MCTP2: variants seen among roughly 807,000 people sequenced by gnomAD.
MCTP2 encodes multiple C2 and transmembrane domain-containing protein 2.
MCTP2 carries 132 observed loss-of-function variants against 111.6 expected under a neutral mutation model. The observed-to-expected ratio is 1.18, with a 90% CI of 1.03 to 1.37. The LOEUF is 1.37. Among genes scored for constraint, MCTP2 ranks in the 40% most tolerant of loss-of-function variants. The probability of loss-of-function intolerance (pLI) is 0.00; values close to 1 mark genes in which losing one functional copy is unlikely to be tolerated. For synonymous variants in MCTP2, 395 were observed against 387.7 expected (o/e 1.02, Z -0.22); for missense variants, 1,183 against 1,067.9 (o/e 1.11, Z -1.50).
chr15:94,386,973 T>TA (rs910752143), intron 14 of MCTP2, among the ~76,000 whole-genome samples: 46 of 151,960 alleles, frequency 3.0e-4, no homozygotes, highest in African/African-American at 8.9e-4. Context: ...GTAGCCAACC[T>TA]AAAAAAAAGT....
chr15:94,421,708 T>G (rs2082637511), intron 17 of MCTP2, among the ~76,000 whole-genome samples: 1 of 152,202 alleles, frequency 6.6e-6, no homozygotes, highest in African/African-American at 2.4e-5. Flanking sequence ...TCTTCAACTT[T>G]TAAGAACCCT....
intron 1 of MCTP2, chr15:94,231,901 G>C (rs1400730048): frequency 6.6e-6 from 1 of 152,340 alleles, no homozygotes; most frequent in African/African-American, 2.4e-5. Flanking sequence ...ACTAGGGGAG[G>C]GCAGCCTGGC....
intron 17 of MCTP2, among the ~76,000 whole-genome samples, chr15:94,418,353 A>G (rs927824761): frequency 6.6e-6 from 1 of 152,028 alleles, no homozygotes; most frequent in African/African-American, 2.4e-5. Flanking sequence ...TCATCTACCT[A>G]CCTTTATGGA....
chr15:94,242,488 G>A (rs2071045908), intron 1 of MCTP2, among the ~76,000 whole-genome samples: 1 of 152,098 alleles, frequency 6.6e-6, no homozygotes, highest in African/African-American at 2.4e-5. Context: ...TCAGGCATCT[G>A]TGCACTGCTG....
At chr15:94,279,484 A>G (rs563426429) in intron 1 of MCTP2, among the ~76,000 whole-genome samples, 33 of 152,046 alleles carry the variant, frequency 2.2e-4, no homozygotes, top group African/African-American at 7.7e-4. Context: ...CTGAAAATTT[A>G]CTTGTTTATC....
chr15:94,328,423 C>T (rs1000348432), intron 4 of MCTP2, among the ~76,000 whole-genome samples: 13 of 152,116 alleles, frequency 8.5e-5, no homozygotes, highest in African/African-American at 1.4e-4. Context: ...CCACCGCGCC[C>T]GGCCTATCAA....
In MCTP2 at chr15:94,243,046, T is replaced by C. The variant is rs1365570446; in HGVS notation, c.-66+11382T>C. Among the ~76,000 whole-genome samples, 7 of 93,622 alleles carry C rather than the reference T, an allele frequency of 7.5e-5. 2 individuals carry two copies. Among genetic ancestry groups the C allele is most frequent in the Non-Finnish European group, 1.7e-4 (7 of 41,158 alleles). 61.4% of individuals were successfully genotyped at this position (93,622 alleles called of 152,430 possible). A position where few individuals can be genotyped will look rare whatever the true frequency, so the allele number is the denominator to read the frequency against. On this transcript the variant is annotated intron_variant, in intron 1 of 22. Transcript: ENST00000357742. ...GTGTATCTACACATACACGTGTATA[T>C]GTGTATCTACACATACACGTGTATA...
At chr15:94,359,713 G>C (rs1468199693) in intron 10 of MCTP2, among the ~76,000 whole-genome samples, 1 of 152,138 alleles carries the variant, frequency 6.6e-6, no homozygotes, top group Non-Finnish European at 1.5e-5. Context: ...AAATGCAGAG[G>C]CCCAAGGAAG....
At chr15:94,337,187 C>G (rs755239169) in intron 4 of MCTP2, among the ~76,000 whole-genome samples, 1 of 152,098 alleles carries the variant, frequency 6.6e-6, no homozygotes, top group South Asian at 2.1e-4. Flanking sequence ...ACAATTAACG[C>G]GGCACTAACT....
At position 94,354,617 on chromosome 15, in the gene MCTP2, G is replaced by A. The variant is rs111910225; in HGVS notation, c.1006-1520G>A. On this transcript the variant is annotated intron_variant, in intron 8 of 22. Transcript: ENST00000357742. ...AACCTCTTTCCTTTGTAAATTACCC[G>A]CCAGGCAGTTCTTTATAGCAGTGTG... is the stretch of plus-strand genomic sequence containing the variant. Among the ~76,000 whole-genome samples the A allele has an allele frequency of 2.6e-3, 393 of 152,238 alleles. 1 individual carries two copies. Among genetic ancestry groups the A allele is most frequent in the African/African-American group, 8.2e-3 (339 of 41,532 alleles).
intron 14 of MCTP2, among the ~76,000 whole-genome samples, chr15:94,387,255 G>T (rs1197684619): frequency 6.6e-6 from 1 of 151,506 alleles, no homozygotes; most frequent in African/African-American, 2.4e-5. Context: ...TTGGGGCCAG[G>T]ACATTCTTTG....
intron 1 of MCTP2, among the ~76,000 whole-genome samples, chr15:94,239,507 G>T (rs2070788975): frequency 6.6e-6 from 1 of 152,218 alleles, no homozygotes; most frequent in Non-Finnish European, 1.5e-5. Flanking sequence ...AACAGGCCCA[G>T]TAAATAATTA....
chr15:94,383,854 C>T (rs1255185388), intron 12 of MCTP2, among the ~76,000 whole-genome samples, 168 bp from the exon 13 acceptor site: 2 of 152,166 alleles, frequency 1.3e-5, no homozygotes, highest in Admixed American at 1.3e-4. Context: ...ACACTTGTAG[C>T]CTCTGCCTGT....
At chr15:94,360,205 A>G (rs1036931410) in intron 10 of MCTP2, among the ~76,000 whole-genome samples, 11 of 151,962 alleles carry the variant, frequency 7.2e-5, no homozygotes, top group African/African-American at 1.7e-4. Context: ...CCCCAATTCT[A>G]TGCTTGTCTG....
At chr15:94,259,141 A>G (rs1028052953) in intron 1 of MCTP2, among the ~76,000 whole-genome samples, 1 of 152,110 alleles carries the variant, frequency 6.6e-6, no homozygotes, top group Non-Finnish European at 1.5e-5. Context: ...CCTTCACCCC[A>G]CCCAGCCTAG....
At chr15:94,361,728 AT>A (rs1379411730) in intron 10 of MCTP2, among the ~76,000 whole-genome samples, 2 of 152,246 alleles carry the variant, frequency 1.3e-5, no homozygotes, top group South Asian at 2.1e-4. Context: ...ATTTTTTGAT[AT>A]TTTTTGGTAA....
At chr15:94,408,864 G>T (rs1375092963) in intron 17 of MCTP2, among the ~76,000 whole-genome samples, 1 of 152,224 alleles carries the variant, frequency 6.6e-6, no homozygotes, top group Non-Finnish European at 1.5e-5. Flanking sequence ...CCTGGTAGAT[G>T]TAAATGGTTA....
At chr15:94,289,959 T>TGA (rs2074957145) in intron 1 of MCTP2, among the ~76,000 whole-genome samples, 2 of 152,162 alleles carry the variant, frequency 1.3e-5, no homozygotes, top group African/African-American at 4.8e-5. Context: ...GATGCATCAA[T>TGA]GAGAGAGACT....
chr15:94,239,686 T>C (rs2070799603), intron 1 of MCTP2, among the ~76,000 whole-genome samples: 1 of 152,218 alleles, frequency 6.6e-6, no homozygotes, highest in South Asian at 2.1e-4. Flanking sequence ...TGACATTTCT[T>C]TCACTCCCTT....
Sources: allele counts gnomAD v4.1 joint callset (sites outside exome capture counted in the v4.1 genomes callset), GRCh38; gene constraint gnomAD v4.1.1; transcripts MANE v1.5; gene names NCBI Gene and HGNC (gene_info 2026-07-23, HGNC 2026-07-21).